SMIM19: variants seen among roughly 807,000 people sequenced by gnomAD.
SMIM19 encodes UPF0697 protein C8orf40.
Under a neutral mutation model 13.2 loss-of-function variants are expected in SMIM19, and 6 were observed. That is an observed-to-expected ratio of 0.45 (90% CI 0.25 to 0.90). The LOEUF (loss-of-function observed/expected upper bound fraction) is 0.90, where lower values mean the gene tolerates loss of function less well. Ranked by LOEUF, SMIM19 falls within the 40% of genes least tolerant of loss-of-function variation. The pLI is 0.19. For missense variants in SMIM19, 138 were observed against 131.0 expected (o/e 1.05, Z -0.26); for synonymous variants, 46 against 43.1 (o/e 1.07, Z -0.27).
intron 3 of SMIM19, among the ~76,000 whole-genome samples, chr8:42,550,092 G>A (rs371411114): frequency 7.3e-4 from 111 of 151,574 alleles, no homozygotes; most frequent in African/African-American, 2.4e-3. Context: ...GTGAAACTTC[G>A]TCTTAAAAAA....
At chr8:42,548,576 C>T (rs772373005) in intron 2 of SMIM19, 80 bp from the exon 3 acceptor site, 38 of 1,573,436 alleles carry the variant, frequency 2.4e-5, no homozygotes, top group Non-Finnish European at 3.1e-5. Context: ...ACCACAGCTT[C>T]TGATGACCAG....
At chr8:42,551,597 C>T (rs1394657889) in intron 3 of SMIM19, among the ~76,000 whole-genome samples, 4 of 152,020 alleles carry the variant, frequency 2.6e-5, no homozygotes, top group Non-Finnish European at 5.9e-5. Context: ...TTATTATTAA[C>T]TTTAAGATGG....
In SMIM19 at chr8:42,541,941, G is replaced by C. The variant is rs974992473; in HGVS notation, c.-437G>C. The C allele has an allele frequency of 2.6e-5, 4 of 152,218 alleles. No individual in the cohort carries two copies. The highest frequency in any genetic ancestry group is 9.6e-5 in the African/African-American group (4 of 41,452). The allele number at this position is 152,218 out of a possible 1,614,324, so 9.4% of individuals were successfully genotyped here. A position where few individuals can be genotyped will look rare whatever the true frequency, so the allele number is the denominator to read the frequency against. On this transcript the variant is annotated 5_prime_UTR_variant, in exon 1 of 4. Coordinates refer to ENST00000417410, the MANE Select transcript of SMIM19 (RefSeq NM_001135674.2). ...TTCCGGAAGCGCACACGGGCCAGTT[G>C]CGGCGGCCCATCTGCCGGGGCGGCG...
chr8:42,552,637 T>A lies in SMIM19; in HGVS notation c.*29T>A, dbSNP rs766452576. On this transcript the variant is annotated 3_prime_UTR_variant, in exon 4 of 4. Coordinates refer to ENST00000417410, the MANE Select transcript of SMIM19 (RefSeq NM_001135674.2). The stretch of plus-strand genomic sequence containing the variant: ...CTCAGAAAAAGAGCAACAGAAGTAA[T>A]TGTTTCAAGCTCCTGATTCTTTCTA... 2 of 1,609,234 alleles carry A rather than the reference T, an allele frequency of 1.2e-6. No individual in the cohort carries two copies. Among genetic ancestry groups the A allele is most frequent in the South Asian group, 2.2e-5 (2 of 90,756 alleles).
intron 3 of SMIM19, 119 bp from the exon 4 acceptor site, chr8:42,552,425 A>G: frequency 2.8e-6 from 3 of 1,062,314 alleles, no homozygotes; most frequent in East Asian, 5.5e-5. Context: ...CTCTGAAACA[A>G]ACAGACAAAA....
At position 42,542,389 on chromosome 8, in the gene SMIM19, C is replaced by G. The variant is rs948456694; in HGVS notation, c.-5+16C>G. ...CTGTGAGCTTGTATGTACCCTTTGGCTTCAGAATACCAAGCCTTTAGTGTT... is the reference window on the plus strand; with the variant it reads ...CTGTGAGCTTGTATGTACCCTTTGGGTTCAGAATACCAAGCCTTTAGTGTT... On this transcript the variant is annotated intron_variant, in intron 1 of 3. Coordinates refer to ENST00000417410, the MANE Select transcript of SMIM19 (RefSeq NM_001135674.2). 2.4e-5 allele frequency: 23 copies of G among 977,944 alleles called. 1 individual carries two copies. Among genetic ancestry groups the G allele is most frequent in the Middle Eastern group, 1.0e-3 (2 of 1,908 alleles). 60.6% of individuals were successfully genotyped at this position (977,944 alleles called of 1,614,324 possible).
chr8:42,545,799 G>A (rs1813459211), intron 1 of SMIM19, among the ~76,000 whole-genome samples: 1 of 152,110 alleles, frequency 6.6e-6, no homozygotes, highest in Non-Finnish European at 1.5e-5. Flanking sequence ...CAGAGTGCTG[G>A]GATTACAGGC....
At position 42,554,477 on chromosome 8, in the gene SMIM19, T is replaced by C. The variant is rs1813764142; in HGVS notation, c.*1869T>C. On this transcript the variant is annotated 3_prime_UTR_variant, in exon 4 of 4. Coordinates refer to ENST00000417410, the MANE Select transcript of SMIM19 (RefSeq NM_001135674.2). ...CGTAAGTCACACAATGAATTTCCTTTGTGTCCACTAGATAGAGATGGTCCT... is the reference window on the plus strand; with the variant it reads ...CGTAAGTCACACAATGAATTTCCTTCGTGTCCACTAGATAGAGATGGTCCT... 6.6e-6 allele frequency: 1 copy of C among 152,226 alleles called. No individual in the cohort carries two copies. The highest frequency in any genetic ancestry group is 2.4e-5 in the African/African-American group (1 of 41,460). The allele number at this position is 152,226 out of a possible 1,614,324, so 9.4% of individuals were successfully genotyped here. A position where few individuals can be genotyped will look rare whatever the true frequency, so the allele number is the denominator to read the frequency against.
chr8:42,548,906 G>A (rs528639362), intron 3 of SMIM19, 126 bp downstream of exon 3: 120 of 946,794 alleles, frequency 1.3e-4, no homozygotes, highest in Non-Finnish European at 1.7e-4. Context: ...TCTTTCAGAT[G>A]TTTAATATGT....
In SMIM19 at chr8:42,553,131, T is replaced by C. The variant is rs530706181; in HGVS notation, c.*523T>C. ...GGCACAATCTCTGCTCACTGCAACTTCCACCTCCCGGGTTTAAACGATTCT... is the reference window on the plus strand; with the variant it reads ...GGCACAATCTCTGCTCACTGCAACTCCCACCTCCCGGGTTTAAACGATTCT... On this transcript the variant is annotated 3_prime_UTR_variant, in exon 4 of 4. Transcript: ENST00000417410. 6.6e-6 allele frequency: 1 copy of C among 151,230 alleles called. No individual in the cohort carries two copies. The highest frequency in any genetic ancestry group is 2.1e-4 in the South Asian group (1 of 4,770). 9.4% of individuals were successfully genotyped at this position (151,230 alleles called of 1,614,324 possible). A position where few individuals can be genotyped will look rare whatever the true frequency, so the allele number is the denominator to read the frequency against.
chr8:42,551,242 C>A (rs958526915), intron 3 of SMIM19, among the ~76,000 whole-genome samples: 3 of 150,652 alleles, frequency 2.0e-5, no homozygotes, highest in African/African-American at 7.4e-5. Context: ...GGCATGAACC[C>A]AGGAGGCAGA....
chr8:42,541,461 G>A (rs1326215753), upstream of SMIM19: 1 of 147,340 alleles, frequency 6.8e-6, no homozygotes, highest in African/African-American at 2.5e-5. Flanking sequence ...CGCGCCCGGG[G>A]GCGGCACTGG....
chr8:42,552,697 T>C lies in SMIM19; in HGVS notation c.*89T>C. ...GAACAGCTTTAAAAACATTTCTGTC[T>C]GCATAAAATTATTTTACTTGTAACT... On this transcript the variant is annotated 3_prime_UTR_variant, in exon 4 of 4. Coordinates refer to ENST00000417410, the MANE Select transcript of SMIM19 (RefSeq NM_001135674.2). 7.1e-7 allele frequency: 1 copy of C among 1,418,304 alleles called. No homozygotes were observed. The highest frequency in any genetic ancestry group is 9.8e-7 in the Non-Finnish European group (1 of 1,020,280). 87.9% of individuals were successfully genotyped at this position (1,418,304 alleles called of 1,614,324 possible). A position where few individuals can be genotyped will look rare whatever the true frequency, so the allele number is the denominator to read the frequency against.
In SMIM19 at chr8:42,555,103, G is replaced by A. The variant is rs1813780347; in HGVS notation, c.*2495G>A. 6.6e-6 allele frequency: 1 copy of A among 152,196 alleles called. No individual in the cohort carries two copies. Among genetic ancestry groups the A allele is most frequent in the Non-Finnish European group, 1.5e-5 (1 of 68,040 alleles). 9.4% of individuals were successfully genotyped at this position (152,196 alleles called of 1,614,324 possible). ...GAAGTATTTTAAGTATGCATTAGAA[G>A]TAAGATAAAATAGTAATAAAAATAG... On this transcript the variant is annotated 3_prime_UTR_variant, in exon 4 of 4. Coordinates refer to ENST00000417410, the MANE Select transcript of SMIM19 (RefSeq NM_001135674.2).
chr8:42,544,750 G>A (rs1175434112), intron 1 of SMIM19, among the ~76,000 whole-genome samples: 1 of 152,150 alleles, frequency 6.6e-6, no homozygotes, highest in South Asian at 2.1e-4. Context: ...ACAAAGTCAC[G>A]TTGTCAGAAA....
Position 42,541,734 on chromosome 8 carries a change from C to G in SMIM19, c.-644C>G, listed in dbSNP as rs1197601969. On this transcript the variant is annotated 5_prime_UTR_variant, in exon 1 of 4. Transcript: ENST00000417410. Reference sequence around the variant, plus strand: ...AGTGGCCCCGCGTCCCCGCTTCTCCCGGTCCCCGGCGGGGCCGCGTCACCC... The same window carrying G: ...AGTGGCCCCGCGTCCCCGCTTCTCCGGGTCCCCGGCGGGGCCGCGTCACCC... The G allele has an allele frequency of 2.7e-5, 4 of 149,160 alleles. No individual in the cohort carries two copies. Among genetic ancestry groups the G allele is most frequent in the Non-Finnish European group, 6.0e-5 (4 of 66,964 alleles). 9.2% of individuals were successfully genotyped at this position (149,160 alleles called of 1,614,324 possible). A position where few individuals can be genotyped will look rare whatever the true frequency, so the allele number is the denominator to read the frequency against.
At chr8:42,550,200 T>C (rs1813626209) in intron 3 of SMIM19, among the ~76,000 whole-genome samples, 1 of 152,204 alleles carries the variant, frequency 6.6e-6, no homozygotes, top group Admixed American at 6.5e-5. Context: ...TTGCTGTCAG[T>C]AATATGCTCA....
intron 3 of SMIM19, among the ~76,000 whole-genome samples, chr8:42,551,664 A>C (rs1813678785): frequency 6.6e-6 from 1 of 152,106 alleles, no homozygotes; most frequent in Non-Finnish European, 1.5e-5. Flanking sequence ...AGCTTAGGTC[A>C]GGCATGATGG....
upstream of SMIM19, chr8:42,541,353 G>C: frequency 1.4e-5 from 2 of 146,730 alleles, 1 homozygote; most frequent in Non-Finnish European, 3.0e-5. Context: ...CCCCACCCGC[G>C]GGAGCCCGGG....
Sources: gnomAD v4.1 joint callset for allele counts (sites outside exome capture counted in the v4.1 genomes callset) on GRCh38, gnomAD v4.1.1 for gene constraint, MANE v1.5 for transcripts, NCBI Gene and HGNC (gene_info 2026-07-23, HGNC 2026-07-21) for gene names.